The following DGKB variants were observed in gnomAD, a reference collection of about 807,000 sequenced individuals.
The protein encoded by DGKB is diacylglycerol kinase beta, also known as 90 kDa diacylglycerol kinase.
Under a neutral mutation model 114.3 loss-of-function variants are expected in DGKB, and 67 were observed. That is an observed-to-expected ratio of 0.59 (90% confidence interval 0.48 to 0.72). The LOEUF is 0.72. Among genes scored for constraint, DGKB ranks in the 30% least tolerant of loss-of-function variants. The pLI is 0.00. For missense variants in DGKB, 907 were observed against 975.2 expected, an observed-to-expected ratio of 0.93 and a Z score of 0.93; for synonymous variants, 398 against 323.1, an observed-to-expected ratio of 1.23 and a Z score of -2.49.
At chr7:14,778,104 G>A (rs983889133) in intron 2 of DGKB, among the ~76,000 whole-genome samples, 6 of 152,204 alleles carry the variant, frequency 3.9e-5, no homozygotes, top group Admixed American at 1.3e-4. Flanking sequence ...TTGTAGTAGA[G>A]TGATTACTGA....
chr7:14,933,128 C>A (rs993098668), intron 1 of DGKB, among the ~76,000 whole-genome samples: 2 of 152,146 alleles, frequency 1.3e-5, no homozygotes, highest in African/African-American at 4.8e-5. Context: ...AAATGATGAA[C>A]CTGGCATTGA....
At chr7:14,432,904 A>T (rs1413579692) in intron 21 of DGKB, among the ~76,000 whole-genome samples, 1 of 152,158 alleles carries the variant, frequency 6.6e-6, no homozygotes, top group Non-Finnish European at 1.5e-5. Context: ...GGGAGGAATG[A>T]GGAAATATGA....
At chr7:14,951,214 A>G (rs1423328047) in intron 1 of DGKB, among the ~76,000 whole-genome samples, 1 of 151,982 alleles carries the variant, frequency 6.6e-6, no homozygotes, top group African/African-American at 2.4e-5. Flanking sequence ...TGCTGTTTCC[A>G]CTTCTACTCC....
intron 23 of DGKB, among the ~76,000 whole-genome samples, chr7:14,294,590 T>C (rs1404443783): frequency 6.6e-6 from 1 of 152,202 alleles, no homozygotes. Context: ...TCAGCTAAAG[T>C]TTATAGGGCT....
At chr7:14,418,392 T>TGTGTGTATATATATATACAC (rs1554421159) in intron 21 of DGKB, among the ~76,000 whole-genome samples, 2,499 of 137,064 alleles carry the variant, frequency 0.018, 99 homozygotes, top group African/African-American at 0.065. Flanking sequence ...TATATATATA[T>TGTGTGTATATATATATACAC]ACACACACAC....
chr7:14,156,083 G>A (rs2128219037), intron 25 of DGKB, among the ~76,000 whole-genome samples: 1 of 152,174 alleles, frequency 6.6e-6, no homozygotes, highest in African/African-American at 2.4e-5. Flanking sequence ...AGAGGTAGGA[G>A]AAAAACTGAA....
At chr7:14,632,922 A>T (rs960101160) in intron 13 of DGKB, among the ~76,000 whole-genome samples, 3 of 151,892 alleles carry the variant, frequency 2.0e-5, no homozygotes, top group Non-Finnish European at 4.4e-5. Context: ...AAATGCAGAA[A>T]CCCACAGCGG....
chr7:14,627,034 CA>C (rs1322685972), intron 14 of DGKB, among the ~76,000 whole-genome samples: 2 of 151,710 alleles, frequency 1.3e-5, no homozygotes, highest in Non-Finnish European at 2.9e-5. Context: ...AAAATTTAGA[CA>C]AAAGTACTGA....
chr7:14,676,700 G>A (rs1167491191), intron 12 of DGKB, among the ~76,000 whole-genome samples: 1 of 152,006 alleles, frequency 6.6e-6, no homozygotes, highest in Non-Finnish European at 1.5e-5. Context: ...TAAATAAGAT[G>A]CTGAAGGCTG....
intron 21 of DGKB, among the ~76,000 whole-genome samples, chr7:14,416,170 AG>A (rs1335450036): frequency 6.6e-5 from 10 of 152,090 alleles, no homozygotes; most frequent in Admixed American, 3.9e-4. Context: ...TCTGGATATT[AG>A]CCCTTTGTCA....
chr7:14,792,214 C>G (rs923236234), intron 2 of DGKB, among the ~76,000 whole-genome samples: 2 of 152,042 alleles, frequency 1.3e-5, no homozygotes, highest in Non-Finnish European at 2.9e-5. Context: ...TGAGCTTCAG[C>G]TGTATTATTT....
At chr7:14,225,077 TC>T (rs959299592) in intron 23 of DGKB, among the ~76,000 whole-genome samples, 1 of 151,942 alleles carries the variant, frequency 6.6e-6, no homozygotes, top group African/African-American at 2.4e-5. Context: ...TCCACCAATC[TC>T]CCCCCAATTG....
intron 5 of DGKB, among the ~76,000 whole-genome samples, chr7:14,723,328 A>T (rs1445573359): frequency 6.6e-6 from 1 of 152,184 alleles, no homozygotes; most frequent in Non-Finnish European, 1.5e-5. Flanking sequence ...GGCCAATTTT[A>T]CACACCCAGT....
intron 1 of DGKB, among the ~76,000 whole-genome samples, chr7:14,963,155 A>G (rs534588859): frequency 1.3e-5 from 2 of 152,156 alleles, no homozygotes; most frequent in African/African-American, 2.4e-5. Flanking sequence ...TTAAAAATAC[A>G]TGAGCAGAAA....
At chr7:14,260,638 C>A (rs142062181) in intron 23 of DGKB, among the ~76,000 whole-genome samples, 3 of 152,268 alleles carry the variant, frequency 2.0e-5, no homozygotes, top group African/African-American at 4.8e-5. Flanking sequence ...TAGGAACTTT[C>A]TATCGGTATA....
intron 13 of DGKB, among the ~76,000 whole-genome samples, chr7:14,631,399 G>A (rs1280369994): frequency 6.6e-6 from 1 of 151,918 alleles, no homozygotes; most frequent in Non-Finnish European, 1.5e-5. Context: ...AGAAGAAGAG[G>A]TCTAGCACAG....
chr7:14,406,867 T>A (rs193285812), intron 21 of DGKB, among the ~76,000 whole-genome samples: 230 of 152,206 alleles, frequency 1.5e-3, no homozygotes, highest in Admixed American at 5.9e-3. Flanking sequence ...AGAGAATAAA[T>A]TGAGGGCTTG....
chr7:14,218,220 G>C (rs1437758640), intron 23 of DGKB, among the ~76,000 whole-genome samples: 3 of 152,016 alleles, frequency 2.0e-5, no homozygotes, highest in Non-Finnish European at 2.9e-5. Flanking sequence ...AAATAGAGAA[G>C]AGGAAAAGAA....
chr7:14,680,289 T>C (rs76110488), intron 12 of DGKB, among the ~76,000 whole-genome samples: 5,196 of 152,082 alleles, frequency 0.034, 224 homozygotes, highest in African/African-American at 0.079. Flanking sequence ...TGCTTTGCCA[T>C]AATGACAAAC....
Sources: gnomAD v4.1 joint callset for allele counts (sites outside exome capture counted in the v4.1 genomes callset) on GRCh38, gnomAD v4.1.1 for gene constraint, MANE v1.5 for transcripts, NCBI Gene and HGNC (gene_info 2026-07-23, HGNC 2026-07-21) for gene names.